The following MCU variants were observed in gnomAD, a reference collection of about 807,000 sequenced individuals.
MCU encodes the protein mitochondrial calcium uniporter.
A neutral mutation model predicts 45.2 loss-of-function variants in MCU; 12 were observed. The observed-to-expected ratio is 0.27, with a 90% CI of 0.17 to 0.43. The LOEUF is 0.43. MCU is among the 20% of genes least tolerant of loss of function. MCU has a pLI of 1.00. For synonymous variants in MCU, 160 were observed against 165.1 expected, an observed-to-expected ratio of 0.97 and a Z score of 0.24; for missense variants, 324 against 436.7, an observed-to-expected ratio of 0.74 and a Z score of 2.30.
At chr10:72,715,759 C>A in intron 1 of MCU, 1 of 438,124 alleles carries the variant, frequency 2.3e-6, no homozygotes, top group Non-Finnish European at 3.0e-6. Flanking sequence ...CTTACTTTTG[C>A]AGGTCATCTT....
In MCU at chr10:72,743,476, G is replaced by A. The variant is rs946685903; in HGVS notation, c.150+51175G>A. Among the ~76,000 whole-genome samples, 8 of 148,528 alleles carry A rather than the reference G, an allele frequency of 5.4e-5. No individual in the cohort carries two copies. In the East Asian group the frequency reaches 8.0e-4, roughly 15 times the overall value. ...AATATATCTTTATGGGGGGGAGATAGTAATATTCACTAGAATTCATTCCTT... is the reference window on the plus strand; with the variant it reads ...AATATATCTTTATGGGGGGGAGATAATAATATTCACTAGAATTCATTCCTT... On this transcript the variant is annotated intron_variant, in intron 1 of 7. Coordinates refer to ENST00000373053, the MANE Select transcript of MCU (RefSeq NM_138357.3).
At chr10:72,835,192 G>A (rs896466394) in intron 2 of MCU, among the ~76,000 whole-genome samples, 1 of 152,236 alleles carries the variant, frequency 6.6e-6, no homozygotes, top group African/African-American at 2.4e-5. Context: ...GGGATAAACA[G>A]ATGCTTGGAG....
chr10:72,764,372 T>C (rs1451011120), intron 1 of MCU, among the ~76,000 whole-genome samples: 4 of 151,976 alleles, frequency 2.6e-5, no homozygotes, highest in Non-Finnish European at 2.9e-5. Context: ...TGGTTGGGAG[T>C]GGAATTTGTG....
rs574689766 is a variant in MCU, at chr10:72,697,103, C to G, written c.150+4802C>G. 8.5e-5 allele frequency among the ~76,000 whole-genome samples: 13 copies of G among 152,256 alleles called. No individual in the cohort carries two copies. The South Asian group carries it at 2.5e-3, about 29-fold the overall frequency. The stretch of plus-strand genomic sequence containing the variant: ...AGTTCTGGATAAATATGTTTAAGAA[C>G]AGACTTCTTCTATTTATTTATGTAT... On this transcript the variant is annotated intron_variant, in intron 1 of 7. Coordinates refer to ENST00000373053, the MANE Select transcript of MCU (RefSeq NM_138357.3).
intron 1 of MCU, among the ~76,000 whole-genome samples, chr10:72,826,432 T>A (rs1311400571): frequency 1.3e-5 from 2 of 152,216 alleles, no homozygotes; most frequent in Non-Finnish European, 2.9e-5. Context: ...TTTCCTAACT[T>A]TTATGGCACT....
At chr10:72,795,652 G>A (rs971284235) in intron 1 of MCU, among the ~76,000 whole-genome samples, 3 of 152,104 alleles carry the variant, frequency 2.0e-5, no homozygotes, top group Non-Finnish European at 4.4e-5. Context: ...CTTCTGATGA[G>A]GCATCTATTA....
chr10:72,696,029 G>A (rs1050459178), intron 1 of MCU, among the ~76,000 whole-genome samples: 9 of 151,338 alleles, frequency 5.9e-5, no homozygotes, highest in African/African-American at 1.2e-4. Flanking sequence ...GGGCATGGTG[G>A]CAGGCGCCTG....
intron 1 of MCU, among the ~76,000 whole-genome samples, chr10:72,828,057 G>T (rs1844824118): frequency 6.6e-6 from 1 of 152,172 alleles, no homozygotes; most frequent in Non-Finnish European, 1.5e-5. Flanking sequence ...TAGACCAACT[G>T]AAATAGTTTA....
intron 6 of MCU, among the ~76,000 whole-genome samples, chr10:72,872,448 A>G (rs1234441626): frequency 1.3e-5 from 2 of 151,708 alleles, no homozygotes. Context: ...TCTCCTCTCT[A>G]CTTCTGTGGG....
intron 5 of MCU, among the ~76,000 whole-genome samples, chr10:72,869,945 C>A (rs1000171348): frequency 2.6e-5 from 4 of 151,900 alleles, no homozygotes; most frequent in Non-Finnish European, 5.9e-5. Flanking sequence ...ATACTATGAT[C>A]CAATTTTTAA....
intron 2 of MCU, among the ~76,000 whole-genome samples, chr10:72,857,984 AG>A (rs1845318662): frequency 3.3e-5 from 5 of 152,216 alleles, no homozygotes; most frequent in Admixed American, 3.3e-4. Context: ...TGTTTTTGAT[AG>A]AATGCTAACT....
chr10:72,859,424 A>G (rs2132869186), intron 3 of MCU, 77 bp downstream of exon 3: 5 of 1,342,620 alleles, frequency 3.7e-6, no homozygotes, highest in Non-Finnish European at 5.1e-6. Flanking sequence ...TACATACACC[A>G]CACACGTAGC....
intron 1 of MCU, among the ~76,000 whole-genome samples, chr10:72,773,947 A>G (rs1843851363): frequency 6.6e-6 from 1 of 152,248 alleles, no homozygotes; most frequent in Admixed American, 6.5e-5. Context: ...CACCACCACC[A>G]GACCCATCTT....
chr10:72,795,966 C>G (rs1401924210), intron 1 of MCU, among the ~76,000 whole-genome samples: 1 of 151,982 alleles, frequency 6.6e-6, no homozygotes, highest in African/African-American at 2.4e-5. Flanking sequence ...CCACTGCACT[C>G]CAGCCTGCGC....
rs139171475 is a variant in MCU, at chr10:72,787,741, C to T, written c.151-46618C>T. ...TTTGTTTTTTGTTTTTTTTTTGAGACAGACTCTCGCTCTGTTGCCCAGGCT... is the reference window on the plus strand; with the variant it reads ...TTTGTTTTTTGTTTTTTTTTTGAGATAGACTCTCGCTCTGTTGCCCAGGCT... On this transcript the variant is annotated intron_variant, in intron 1 of 7. Transcript: ENST00000373053. 6.1e-3 allele frequency among the ~76,000 whole-genome samples: 915 copies of T among 150,974 alleles called. 7 individuals carry two copies. Among genetic ancestry groups the T allele is most frequent in the African/African-American group, 0.02 (842 of 41,134 alleles).
intron 1 of MCU, among the ~76,000 whole-genome samples, chr10:72,724,342 G>A (rs539028643): frequency 1.3e-5 from 2 of 152,304 alleles, no homozygotes; most frequent in Admixed American, 1.3e-4. Flanking sequence ...TCGTATAAGT[G>A]AAGTGAGATT....
At chr10:72,775,376 TG>T (rs1843875608) in intron 1 of MCU, among the ~76,000 whole-genome samples, 2 of 152,118 alleles carry the variant, frequency 1.3e-5, no homozygotes, top group South Asian at 4.1e-4. Flanking sequence ...CCAAAATCTA[TG>T]GGATACTGTA....
intron 1 of MCU, among the ~76,000 whole-genome samples, chr10:72,810,613 G>T (rs1337094753): frequency 2.0e-5 from 3 of 151,148 alleles, no homozygotes; most frequent in Non-Finnish European, 3.0e-5. Context: ...GATTACAGGC[G>T]CCTGCCACCA....
At chr10:72,832,540 C>A (rs1844893195) in intron 1 of MCU, among the ~76,000 whole-genome samples, 1 of 152,168 alleles carries the variant, frequency 6.6e-6, no homozygotes, top group Non-Finnish European at 1.5e-5. Flanking sequence ...TGCATGAAAA[C>A]AACTTCAAAG....
Sources: allele counts gnomAD v4.1 joint callset (sites outside exome capture counted in the v4.1 genomes callset), GRCh38; gene constraint gnomAD v4.1.1; transcripts MANE v1.5; gene names NCBI Gene and HGNC (gene_info 2026-07-23, HGNC 2026-07-21).